The following CDK5RAP2 variants were observed in gnomAD, a reference collection of about 807,000 sequenced individuals.
The protein encoded by CDK5RAP2 is CDK5 regulatory subunit associated protein 2, also known as CDK5 regulatory subunit-associated protein 2.
Under a neutral mutation model 232.9 loss-of-function variants are expected in CDK5RAP2, and 147 were observed. That is an observed-to-expected ratio of 0.63 (90% CI 0.55 to 0.72). The LOEUF (loss-of-function observed/expected upper bound fraction) is 0.72. Ranked by LOEUF, CDK5RAP2 falls within the 30% of genes least tolerant of loss-of-function variation. The probability of loss-of-function intolerance (pLI) is 0.00; values close to 1 mark genes in which losing one functional copy is unlikely to be tolerated. For missense variants in CDK5RAP2, 2,195 were observed against 2,231.5 expected, an observed-to-expected ratio of 0.98 and a Z score of 0.33; for synonymous variants, 833 against 833.7, an observed-to-expected ratio of 1.00 and a Z score of 0.01.
intron 35 of CDK5RAP2, among the ~76,000 whole-genome samples, chr9:120,395,975 C>T (rs1390972835): frequency 6.6e-6 from 1 of 152,196 alleles, no homozygotes; most frequent in African/African-American, 2.4e-5. Flanking sequence ...TTGGAAGTGA[C>T]AGACATACAT....
At chr9:120,568,483 C>T (rs1000406261) in intron 2 of CDK5RAP2, 95 bp from the exon 3 acceptor site, 9 of 888,072 alleles carry the variant, frequency 1.0e-5, no homozygotes, top group Admixed American at 6.8e-5. Context: ...ACAACACGAA[C>T]TGCTTCCACA....
At chr9:120,468,184 C>T (rs2037491276) in intron 17 of CDK5RAP2, among the ~76,000 whole-genome samples, 187 bp from the exon 18 acceptor site, 1 of 152,194 alleles carries the variant, frequency 6.6e-6, no homozygotes, top group Non-Finnish European at 1.5e-5. Flanking sequence ...TCTGGCATAA[C>T]AGTATTTTAA....
chr9:120,569,457 A>T (rs2042766251), intron 2 of CDK5RAP2, among the ~76,000 whole-genome samples: 1 of 152,020 alleles, frequency 6.6e-6, no homozygotes, highest in Non-Finnish European at 1.5e-5. Context: ...AAGGTGGTTA[A>T]GGAAGGTCTC....
intron 22 of CDK5RAP2, among the ~76,000 whole-genome samples, chr9:120,445,535 C>T (rs561551655): frequency 6.6e-6 from 1 of 152,358 alleles, no homozygotes; most frequent in South Asian, 2.1e-4. Context: ...TCCACGGAAA[C>T]AGCTCCCTTC....
chr9:120,423,446 T>C (rs2900169), intron 25 of CDK5RAP2, among the ~76,000 whole-genome samples: 44,897 of 152,084 alleles, frequency 0.3, 8,128 homozygotes, highest in South Asian at 0.48. Context: ...AGTACATGAG[T>C]ACAGCTGAAA....
At chr9:120,397,826 T>C (rs1460150982) in intron 35 of CDK5RAP2, among the ~76,000 whole-genome samples, 1 of 152,220 alleles carries the variant, frequency 6.6e-6, no homozygotes, top group African/African-American at 2.4e-5. Flanking sequence ...TGGGGTGCAC[T>C]CTCAGAGTTC....
chr9:120,539,263 C>T (rs2131983055), intron 5 of CDK5RAP2, 99 bp from the exon 6 acceptor site: 1 of 1,450,998 alleles, frequency 6.9e-7, no homozygotes, highest in East Asian at 2.3e-5. Context: ...GTCATTTCTC[C>T]CACAGACCTG....
intron 3 of CDK5RAP2, among the ~76,000 whole-genome samples, chr9:120,554,762 T>C (rs1392301174): frequency 1.3e-5 from 2 of 151,786 alleles, no homozygotes; most frequent in African/African-American, 4.8e-5. Flanking sequence ...GCCTCCCGAG[T>C]AGCTGGGACT....
At chr9:120,462,175 T>C (rs2037127790) in intron 18 of CDK5RAP2, among the ~76,000 whole-genome samples, 1 of 152,102 alleles carries the variant, frequency 6.6e-6, no homozygotes, top group South Asian at 2.1e-4. Flanking sequence ...AAAAACCACA[T>C]CCTACTATAT....
intron 25 of CDK5RAP2, among the ~76,000 whole-genome samples, chr9:120,436,320 T>C (rs2131308212): frequency 6.6e-6 from 1 of 152,268 alleles, no homozygotes; most frequent in Admixed American, 6.5e-5. Context: ...TATTGAAGTA[T>C]GTTCACATCA....
chr9:120,491,480 A>G lies in CDK5RAP2; in HGVS notation c.1312-3T>C. ...TTTTCAACTTCATTTCTAAGATCCT[A>G]CCAGAAGAAAATGAAAAAATGGAAT... is the stretch of plus-strand genomic sequence containing the variant. On this transcript the variant is annotated splice_region_variant and splice_polypyrimidine_tract_variant and intron_variant, in intron 12 of 37. Transcript: ENST00000349780. 6.2e-7 allele frequency: 1 copy of G among 1,604,996 alleles called. No individual in the cohort carries two copies. The highest frequency in any genetic ancestry group is 8.5e-7 in the Non-Finnish European group (1 of 1,174,578).
At chr9:120,414,682 T>C (rs1284384769) in intron 28 of CDK5RAP2, among the ~76,000 whole-genome samples, 2 of 152,210 alleles carry the variant, frequency 1.3e-5, no homozygotes, top group South Asian at 2.1e-4. Flanking sequence ...AAGTTCTTCA[T>C]GGACGATCAC....
At chr9:120,443,170 C>T (rs1588348191) in intron 23 of CDK5RAP2, among the ~76,000 whole-genome samples, 1 of 152,322 alleles carries the variant, frequency 6.6e-6, no homozygotes, top group East Asian at 1.9e-4. Flanking sequence ...ACCCCACAAA[C>T]CCAGTCTCAG....
Position 120,491,573 on chromosome 9 carries a change from T to C in CDK5RAP2, c.1312-96A>G, listed in dbSNP as rs889412240. ...AAATTACTGCTACAAGAGAGCAAGATAATAGATGTATTTAAGGGAGTATAC... is the reference window on the plus strand; with the variant it reads ...AAATTACTGCTACAAGAGAGCAAGACAATAGATGTATTTAAGGGAGTATAC... On this transcript the variant is annotated intron_variant, in intron 12 of 37. Transcript: ENST00000349780. The C allele has an allele frequency of 3.3e-5, 27 of 810,800 alleles. No individual in the cohort carries two copies. The Admixed American group carries it at 3.6e-4, about 11-fold the overall frequency. 50.2% of individuals were successfully genotyped at this position (810,800 alleles called of 1,614,324 possible). A position where few individuals can be genotyped will look rare whatever the true frequency, so the allele number is the denominator to read the frequency against.
chr9:120,568,310 T>C lies in CDK5RAP2; in HGVS notation c.195+11A>G, dbSNP rs756364505. On this transcript the variant is annotated intron_variant, in intron 3 of 37. Transcript: ENST00000349780. ...ATTTGTTGGGGGCAGTAATTTGGTA[T>C]TTCCACTTACATTTTCAAAGTCCTT... 5 of 1,604,350 alleles carry C rather than the reference T, an allele frequency of 3.1e-6. No homozygotes were observed. The African/African-American group carries it at 6.7e-5, about 21-fold the overall frequency.
rs764171211 is a variant in CDK5RAP2, at chr9:120,467,864, G to A, written c.2102C>T (p.Thr701Ile). 1.2e-6 allele frequency: 2 copies of A among 1,613,910 alleles called. No individual in the cohort carries two copies. Among genetic ancestry groups the A allele is most frequent in the Non-Finnish European group, 8.5e-7 (1 of 1,179,972 alleles). Residue 701 changes from threonine (T) to isoleucine (I), a missense_variant, in exon 18 of 38, where the codon ACA (threonine) becomes ATA (isoleucine). Coordinates refer to ENST00000349780, the MANE Select transcript of CDK5RAP2 (RefSeq NM_018249.6). ...GACAACAAAAATGTTTCTTACCTCT[G>A]TTTGTTCTGTAGACGCAAGTCTATC... ...FPDRLASTEQ[T>I]ELLASKEDED...
chr9:120,453,773 T>G lies in CDK5RAP2; in HGVS notation c.2476A>C (p.Thr826Pro). The change falls in exon 21 of 38, where the codon ACA becomes CCA. Residue 826 changes from threonine to proline, a missense_variant. By Grantham distance (38) the Thr-to-Pro change is conservative. Transcript: ENST00000349780. ...ACAAGTTCACCTTTTTGCTTAGGTGTCTTCTCAGTTTTACCATCAAGGTGT... is the reference window on the plus strand; with the variant it reads ...ACAAGTTCACCTTTTTGCTTAGGTGGCTTCTCAGTTTTACCATCAAGGTGT... Reference protein sequence around the residue: ...GEHLDGKTEKTPKQKGELVHF... With the variant: ...GEHLDGKTEKPPKQKGELVHF... 8.1e-6 allele frequency: 13 copies of G among 1,614,216 alleles called. No homozygotes were observed. The highest frequency in any genetic ancestry group is 1.1e-5 in the Non-Finnish European group (13 of 1,180,040).
At position 120,524,852 on chromosome 9, in the gene CDK5RAP2, T is replaced by C. The variant is rs960187006; in HGVS notation, c.1092+134A>G. 1.0e-5 allele frequency: 7 copies of C among 676,782 alleles called. No individual in the cohort carries two copies. In the African/African-American group the frequency reaches 1.3e-4, roughly 12 times the overall value. The allele number at this position is 676,782 out of a possible 1,614,324, so 41.9% of individuals were successfully genotyped here. A position where few individuals can be genotyped will look rare whatever the true frequency, so the allele number is the denominator to read the frequency against. ...GTAGAGAATTTCCCTTTAATTAGAC[T>C]AGCAAATTCTATCACTGAAGACCAC... On this transcript the variant is annotated intron_variant, in intron 11 of 37. Transcript: ENST00000349780.
intron 14 of CDK5RAP2, among the ~76,000 whole-genome samples, chr9:120,481,288 T>C (rs2038291143): frequency 6.6e-6 from 1 of 152,144 alleles, no homozygotes; most frequent in Admixed American, 6.5e-5. Flanking sequence ...GCCTTAAATA[T>C]AATGCATCTG....
Sources: gnomAD v4.1 joint callset for allele counts (sites outside exome capture counted in the v4.1 genomes callset) on GRCh38, gnomAD v4.1.1 for gene constraint, MANE v1.5 for transcripts, NCBI Gene and HGNC (gene_info 2026-07-23, HGNC 2026-07-21) for gene names.